Variants in FARP1 observed in about 807,000 individuals in gnomAD.
FARP1 encodes the protein FERM, ARH/RhoGEF and pleckstrin domain protein 1.
A neutral mutation model predicts 128.8 loss-of-function variants in FARP1; 52 were observed. The ratio of observed to expected loss-of-function variants is 0.40; its 90% confidence interval spans 0.32 to 0.51. The LOEUF is 0.51. FARP1 is among the 20% of genes least tolerant of loss of function. The pLI is 0.45. For missense variants in FARP1, 1,333 were observed against 1,367.9 expected (o/e 0.97, Z 0.40); for synonymous variants, 580 against 551.8 (o/e 1.05, Z -0.72).
At position 98,365,492 on chromosome 13, in the gene FARP1, C is replaced by T. The variant is rs369768191; in HGVS notation, c.319+55C>T. Reference sequence around the variant, plus strand: ...TGTGAAATCTGAAGCCAGACAGTTTCATGTCTAGACATCTCTTGCCCTGTG... The same window carrying T: ...TGTGAAATCTGAAGCCAGACAGTTTTATGTCTAGACATCTCTTGCCCTGTG... On this transcript the variant is annotated intron_variant, in intron 4 of 26. Coordinates refer to ENST00000319562, the MANE Select transcript of FARP1 (RefSeq NM_005766.4). 4.8e-6 allele frequency: 6 copies of T among 1,254,692 alleles called. No homozygotes were observed. The South Asian group carries it at 5.0e-5, about 11-fold the overall frequency. The allele number at this position is 1,254,692 out of a possible 1,614,324, so 77.7% of individuals were successfully genotyped here.
Position 98,411,943 on chromosome 13 carries a change from G to A in FARP1, c.1735G>A (p.Ala579Thr), listed in dbSNP as rs1891208620. The A allele has an allele frequency of 6.2e-7, 1 of 1,613,938 alleles. No individual in the cohort carries two copies. The highest frequency in any genetic ancestry group is 1.7e-5 in the Admixed American group (1 of 60,004). Residue 579 changes from alanine (A) to threonine (T), a missense_variant, in exon 16 of 27, where the codon GCA becomes ACA. Physicochemically the swap from Ala to Thr is moderately conservative, Grantham distance 58. Around this residue, in one of 2 missense-constraint regions of FARP1, gnomAD observed 1,009 missense variants for 969.8 expected, o/e 1.04. Coordinates refer to ENST00000319562, the MANE Select transcript of FARP1 (RefSeq NM_005766.4). ...GAGCAAAGAGGACGCCATGCCGGAA[G>A]CACTGAAAAGTCTCATATTCCCGAA... is the stretch of plus-strand genomic sequence containing the variant. Reference protein sequence around the residue: ...TVSKEDAMPEALKSLIFPNFE... With the variant: ...TVSKEDAMPETLKSLIFPNFE...
intron 2 of FARP1, among the ~76,000 whole-genome samples, chr13:98,270,845 C>T (rs953167410): frequency 2.6e-5 from 4 of 152,076 alleles, no homozygotes; most frequent in East Asian, 1.9e-4. Context: ...GGAACATTCA[C>T]GCAAGGCAGT....
In FARP1 at chr13:98,287,209, T is replaced by C. The variant is rs1186099328; in HGVS notation, c.172-56553T>C. 2.3e-3 allele frequency among the ~76,000 whole-genome samples: 11 copies of C among 4,764 alleles called. No individual in the cohort carries two copies. The South Asian group carries it at 0.037, about 16-fold the overall frequency. The allele number at this position is 4,764 out of a possible 152,430, so 3.1% of individuals were successfully genotyped here. ...TTCCAAATTAACCATCAGACATGTC[T>C]TTTTTTTTTTTTTTTTTTTTTTTTT... On this transcript the variant is annotated intron_variant, in intron 2 of 26. Transcript: ENST00000319562.
chr13:98,377,432 G>C lies in FARP1; in HGVS notation c.399-389G>C, dbSNP rs1429403252. ...TTTCTCATTTCATTGGCAATCCTCTGACTCACCATAATAAACTACTGTTAT... is the reference window on the plus strand; with the variant it reads ...TTTCTCATTTCATTGGCAATCCTCTCACTCACCATAATAAACTACTGTTAT... On this transcript the variant is annotated intron_variant, in intron 5 of 26. Coordinates refer to ENST00000319562, the MANE Select transcript of FARP1 (RefSeq NM_005766.4). Among the ~76,000 whole-genome samples, 4 of 149,252 alleles carry C rather than the reference G, an allele frequency of 2.7e-5. 1 individual carries two copies. The highest frequency in any genetic ancestry group is 1.3e-4 in the Admixed American group (2 of 14,974).
At chr13:98,429,674 C>T (rs1293621842) in intron 17 of FARP1, among the ~76,000 whole-genome samples, 1 of 152,176 alleles carries the variant, frequency 6.6e-6, no homozygotes, top group Admixed American at 6.5e-5. Context: ...CCAGCTGAGG[C>T]AGGAGGAAGT....
At chr13:98,336,310 T>G (rs899206777) in intron 2 of FARP1, among the ~76,000 whole-genome samples, 6 of 152,144 alleles carry the variant, frequency 3.9e-5, no homozygotes, top group Non-Finnish European at 8.8e-5. Context: ...GGAGTGCAGT[T>G]GCGTGATCTT....
Position 98,426,331 on chromosome 13 carries a change from T to TA in FARP1, c.1905+1688dup, listed in dbSNP as rs964845086. ...TAGCAAGACTTGTCTCTATGAAAAA[T>TA]AAAAAAACATTAGCTAAGAGTGATG... On this transcript the variant is annotated intron_variant, in intron 17 of 26. Transcript: ENST00000319562. Among the ~76,000 whole-genome samples the TA allele has an allele frequency of 1.4e-3, 219 of 151,750 alleles. 1 individual carries two copies. The highest frequency in any genetic ancestry group is 4.8e-3 in the African/African-American group (200 of 41,338).
Position 98,385,779 on chromosome 13 carries a change from C to A in FARP1, c.724C>A (p.Leu242Met). The stretch of plus-strand genomic sequence containing the variant: ...GGACAGGGAAGGCACGAAGATCAAT[C>A]TGGCCGTTGCCAACACGGGAATTCT... ...AKDREGTKIN[L>M]AVANTGILVF... is the part of the protein sequence containing the mutation. Residue 242 changes from leucine (L) to methionine (M), a missense_variant, in exon 8 of 27, where the codon CTG becomes ATG. Leu to Met is a conservative substitution (Grantham distance 15). Coordinates refer to ENST00000319562, the MANE Select transcript of FARP1 (RefSeq NM_005766.4). The A allele has an allele frequency of 6.2e-7, 1 of 1,614,198 alleles. No homozygotes were observed. Among genetic ancestry groups the A allele is most frequent in the Non-Finnish European group, 8.5e-7 (1 of 1,180,040 alleles).
intron 14 of FARP1, among the ~76,000 whole-genome samples, chr13:98,410,295 T>C (rs1891142846): frequency 6.6e-6 from 1 of 152,238 alleles, no homozygotes; most frequent in African/African-American, 2.4e-5. Flanking sequence ...ATCTCACCCC[T>C]GTCCCTTTAG....
At chr13:98,185,069 C>A (rs1298856942) in intron 1 of FARP1, among the ~76,000 whole-genome samples, 1 of 152,118 alleles carries the variant, frequency 6.6e-6, no homozygotes, top group African/African-American at 2.4e-5. Flanking sequence ...GTATTGTTAC[C>A]ATCCAGATGC....
At chr13:98,343,325 C>T (rs966719945) in intron 2 of FARP1, among the ~76,000 whole-genome samples, 7 of 152,124 alleles carry the variant, frequency 4.6e-5, no homozygotes, top group African/African-American at 1.4e-4. Context: ...TTACAGCACA[C>T]GGAGTGAGCC....
chr13:98,310,092 T>TTC (rs55668573), intron 2 of FARP1, among the ~76,000 whole-genome samples: 1,754 of 151,264 alleles, frequency 0.012, 46 homozygotes, highest in African/African-American at 0.04. Flanking sequence ...TTTTTTTTTT[T>TTC]CCCATAATAG....
At chr13:98,411,750 C>CG in intron 15 of FARP1, 151 bp from the exon 16 acceptor site, 1 of 759,430 alleles carries the variant, frequency 1.3e-6, no homozygotes, top group African/African-American at 1.8e-5. Context: ...CAGTAAGGCC[C>CG]GGGCAGCCCC....
In FARP1 at chr13:98,395,376, G is replaced by T; in HGVS notation, c.1314G>T (p.Lys438Asn). 3.1e-6 allele frequency: 5 copies of T among 1,611,890 alleles called. No individual in the cohort carries two copies. Among genetic ancestry groups the T allele is most frequent in the Non-Finnish European group, 4.2e-6 (5 of 1,179,158 alleles). Residue 438 changes from lysine (K) to asparagine (N), a missense_variant, in exon 13 of 27, where the codon AAG becomes AAT. Lys to Asn is a moderately conservative substitution (Grantham distance 94, BLOSUM62 0). Around this residue, in one of 2 missense-constraint regions of FARP1, gnomAD observed 1,009 missense variants for 969.8 expected, o/e 1.04. Coordinates refer to ENST00000319562, the MANE Select transcript of FARP1 (RefSeq NM_005766.4). Reference sequence around the variant, plus strand: ...CGAGGAGAAGCCCCGCGGGTAACAAGCAGGCGGACGGAGCCGCCTCGGCGC... The same window carrying T: ...CGAGGAGAAGCCCCGCGGGTAACAATCAGGCGGACGGAGCCGCCTCGGCGC... ...PAPRRSPAGN[K>N]QADGAASAPT... is the part of the protein sequence containing the mutation.
At chr13:98,177,265 G>A (rs371770857) in intron 1 of FARP1, 1 of 1,514,092 alleles carries the variant, frequency 6.6e-7, no homozygotes, top group Non-Finnish European at 8.9e-7. Flanking sequence ...CAACGGCCGT[G>A]GCGTGCGTCA....
intron 3 of FARP1, among the ~76,000 whole-genome samples, chr13:98,352,508 C>G (rs896961244): frequency 3.3e-5 from 5 of 152,152 alleles, no homozygotes; most frequent in Admixed American, 3.3e-4. Flanking sequence ...AGCCAGGGAA[C>G]TTGAGAAAGC....
Position 98,176,458 on chromosome 13 carries a change from C to T in FARP1, c.-24+32966C>T, listed in dbSNP as rs773255110. On this transcript the variant is annotated intron_variant, in intron 1 of 26. Transcript: ENST00000319562. The surrounding 1 kb of genome is among the most constrained non-coding windows in gnomAD (Gnocchi z 6.2). Reference sequence around the variant, plus strand: ...GACGACTGGGTTTTGGAAGGCCTGGCGACATATGAAACACCTGAATGGTAT... The same window carrying T: ...GACGACTGGGTTTTGGAAGGCCTGGTGACATATGAAACACCTGAATGGTAT... The T allele has an allele frequency of 3.1e-6, 5 of 1,614,198 alleles. No individual in the cohort carries two copies. The South Asian group carries it at 4.4e-5, about 14-fold the overall frequency.
chr13:98,246,472 T>A (rs892383202), intron 2 of FARP1, among the ~76,000 whole-genome samples: 3 of 152,054 alleles, frequency 2.0e-5, no homozygotes, highest in Non-Finnish European at 2.9e-5. Context: ...TAAAAAAAAA[T>A]TAGAGTCTAT....
rs1878088618 is a variant in FARP1, at chr13:98,176,821, C to T, written c.-24+33329C>T. 7 of 1,612,356 alleles carry T rather than the reference C, an allele frequency of 4.3e-6. No individual in the cohort carries two copies. The highest frequency in any genetic ancestry group is 4.0e-5 in the African/African-American group (3 of 74,740). ...GTAGATGTGGTCGTGCTCCCGACCC[C>T]GCAGTGCCTCCTGGACCCGCTGGCT... On this transcript the variant is annotated intron_variant, in intron 1 of 26. Coordinates refer to ENST00000319562, the MANE Select transcript of FARP1 (RefSeq NM_005766.4). The surrounding 1 kb of genome is among the most constrained non-coding windows in gnomAD (Gnocchi z 6.2).
Sources: gnomAD v4.1 joint callset for allele counts (sites outside exome capture counted in the v4.1 genomes callset) on GRCh38, gnomAD v4.1.1 for gene constraint, gnomAD v4.1.1 regional missense constraint, Gnocchi (gnomAD v3.1) non-coding constraint, MANE v1.5 for transcripts, NCBI Gene and HGNC (gene_info 2026-07-23, HGNC 2026-07-21) for gene names.